Variants in CNOT4 observed in about 807,000 individuals in gnomAD.
The protein encoded by CNOT4 is CCR4-NOT transcription complex subunit 4.
Under a neutral mutation model 73.8 loss-of-function variants are expected in CNOT4, and 8 were observed. The observed-to-expected ratio is 0.11, with a 90% CI of 0.06 to 0.20. The LOEUF (loss-of-function observed/expected upper bound fraction) is 0.20. Ranked by LOEUF, CNOT4 falls within the 10% of genes least tolerant of loss-of-function variation. CNOT4 has a pLI of 1.00. For missense variants in CNOT4, 564 were observed against 883.4 expected (o/e 0.64, Z 4.58); for synonymous variants, 293 against 321.1 (o/e 0.91, Z 0.94).
intron 1 of CNOT4, among the ~76,000 whole-genome samples, chr7:135,484,457 G>A (rs185330728): frequency 3.4e-4 from 52 of 152,110 alleles, no homozygotes; most frequent in African/African-American, 1.2e-3. Context: ...AAGGTTATAA[G>A]ATGCAAGGTC....
At chr7:135,496,153 C>T (rs760496635) in intron 1 of CNOT4, among the ~76,000 whole-genome samples, 15 of 151,780 alleles carry the variant, frequency 9.9e-5, no homozygotes, top group African/African-American at 2.4e-4. Context: ...AGTGCAGTGG[C>T]GCAATCTCCA....
Position 135,363,446 on chromosome 7 carries a change from C to A in CNOT4, c.1841-260G>T, listed in dbSNP as rs573784672. Among the ~76,000 whole-genome samples, 1 of 152,344 alleles carries A rather than the reference C, an allele frequency of 6.6e-6. No homozygotes were observed. The highest frequency in any genetic ancestry group is 2.4e-5 in the African/African-American group (1 of 41,586). Reference sequence around the variant, plus strand: ...AGCTGCAAAACACCATTCCCCAGAACTGCCTGATGGCATTTCCCAATTGTG... The same window carrying A: ...AGCTGCAAAACACCATTCCCCAGAAATGCCTGATGGCATTTCCCAATTGTG... On this transcript the variant is annotated intron_variant, in intron 11 of 11. Coordinates refer to ENST00000541284, the MANE Select transcript of CNOT4 (RefSeq NM_001190850.2). This position sits in a 1 kb window ranked among gnomAD's most constrained non-coding sequence, Gnocchi z 4.3.
At chr7:135,428,299 T>C (rs1798621548) in intron 2 of CNOT4, among the ~76,000 whole-genome samples, 1 of 152,064 alleles carries the variant, frequency 6.6e-6, no homozygotes, top group South Asian at 2.1e-4. Context: ...TTACAAATAA[T>C]TTTCTCAATG....
At chr7:135,489,211 A>C (rs932548582) in intron 1 of CNOT4, among the ~76,000 whole-genome samples, 2 of 152,126 alleles carry the variant, frequency 1.3e-5, no homozygotes, top group Middle Eastern at 6.8e-3. Context: ...TTTAGAAAAA[A>C]TAGGAAGAAA....
intron 10 of CNOT4, chr7:135,389,043 T>C (rs1796264129): frequency 3.0e-6 from 2 of 666,592 alleles, no homozygotes; most frequent in East Asian, 6.0e-5. Context: ...ACATGAATTT[T>C]AAAATATAAA....
intron 1 of CNOT4, among the ~76,000 whole-genome samples, chr7:135,448,540 A>G (rs1232255962): frequency 7.0e-6 from 1 of 142,706 alleles, no homozygotes; most frequent in African/African-American, 2.8e-5. Context: ...AAAGAAAAAA[A>G]AAGGGAGGGA....
intron 1 of CNOT4, among the ~76,000 whole-genome samples, chr7:135,492,280 T>C (rs1803160951): frequency 6.6e-6 from 1 of 152,198 alleles, no homozygotes; most frequent in Non-Finnish European, 1.5e-5. Flanking sequence ...ATCATATTTG[T>C]ATTTTTCTTC....
chr7:135,366,295 A>G, intron 10 of CNOT4, among the ~76,000 whole-genome samples: 1 of 152,254 alleles, frequency 6.6e-6, no homozygotes, highest in East Asian at 1.9e-4. Flanking sequence ...TTGCATTTAC[A>G]TAAATCTTAT....
intron 8 of CNOT4, among the ~76,000 whole-genome samples, chr7:135,396,626 A>G (rs1024052670): frequency 2.6e-5 from 4 of 152,168 alleles, no homozygotes; most frequent in Non-Finnish European, 1.5e-5. Flanking sequence ...TTGTTTCCAA[A>G]CACATCATTA....
rs189472780 is a variant in CNOT4 at position 135,476,556 on chromosome 7, A to T, written c.-93+33333T>A. Among the ~76,000 whole-genome samples, 10 of 152,370 alleles carry T rather than the reference A, an allele frequency of 6.6e-5. No individual in the cohort carries two copies. In the East Asian group the frequency reaches 1.9e-3, roughly 29 times the overall value. Reference sequence around the variant, plus strand: ...GCTGGGCATAGTGGTATGCACTTGTAGTCCTAGCTACGGGGTAGGCTAAAG... The same window carrying T: ...GCTGGGCATAGTGGTATGCACTTGTTGTCCTAGCTACGGGGTAGGCTAAAG... On this transcript the variant is annotated intron_variant, in intron 1 of 11. Transcript: ENST00000541284.
intron 1 of CNOT4, among the ~76,000 whole-genome samples, chr7:135,476,008 A>G (rs1298868951): frequency 6.6e-6 from 1 of 152,208 alleles, no homozygotes; most frequent in East Asian, 1.9e-4. Context: ...GTAATTTTTC[A>G]TATAAAATAC....
In CNOT4 at chr7:135,384,106, C is replaced by CT. The variant is rs373849329; in HGVS notation, c.1627+9811dup. Among the ~76,000 whole-genome samples the CT allele has an allele frequency of 9.0e-3, 1,341 of 148,974 alleles. 24 individuals are homozygous for CT. Among genetic ancestry groups the CT allele is most frequent in the African/African-American group, 0.031 (1,259 of 40,614 alleles). On this transcript the variant is annotated intron_variant, in intron 10 of 11. Coordinates refer to ENST00000541284, the MANE Select transcript of CNOT4 (RefSeq NM_001190850.2). ...TTTCTGGGCTTATTCTCACAAAAGA[C>CT]TTTTTTTTTTAATCTCCTTTAAAAG...
chr7:135,489,303 C>T (rs982621868), intron 1 of CNOT4, among the ~76,000 whole-genome samples: 2 of 149,572 alleles, frequency 1.3e-5, no homozygotes, highest in Non-Finnish European at 3.0e-5. Flanking sequence ...AGAAATTTTA[C>T]ACATTTTATA....
chr7:135,465,074 C>T lies in CNOT4; in HGVS notation c.-92-26651G>A, dbSNP rs182034701. 9.3e-4 allele frequency among the ~76,000 whole-genome samples: 142 copies of T among 152,238 alleles called. 1 individual carries two copies. The highest frequency in any genetic ancestry group is 3.3e-3 in the African/African-American group (136 of 41,548). ...TTATCACAGATAATTTGGAAGACAG[C>T]TGGGCTATTAAAGTAGATTTTTAAT... On this transcript the variant is annotated intron_variant, in intron 1 of 11. Transcript: ENST00000541284.
chr7:135,507,707 T>C (rs1804469957), intron 1 of CNOT4, among the ~76,000 whole-genome samples: 1 of 152,196 alleles, frequency 6.6e-6, no homozygotes, highest in Non-Finnish European at 1.5e-5. Context: ...CAAGTATGAC[T>C]GCCAAGAGTT....
At chr7:135,440,413 G>A (rs1185784333) in intron 1 of CNOT4, among the ~76,000 whole-genome samples, 5 of 151,528 alleles carry the variant, frequency 3.3e-5, no homozygotes, top group Non-Finnish European at 5.9e-5. Flanking sequence ...CAATGATCTA[G>A]CGCCTCTTTC....
chr7:135,428,100 G>A (rs977392538), intron 2 of CNOT4, among the ~76,000 whole-genome samples: 6 of 152,100 alleles, frequency 3.9e-5, no homozygotes, highest in Admixed American at 3.9e-4. Context: ...GTAGGTAGGG[G>A]AAAACCATCC....
intron 1 of CNOT4, among the ~76,000 whole-genome samples, chr7:135,493,977 G>C (rs1803282586): frequency 6.7e-6 from 1 of 149,172 alleles, no homozygotes; most frequent in African/African-American, 2.5e-5. Flanking sequence ...TATAAGTATT[G>C]TATCAAAAAA....
chr7:135,383,112 T>G (rs770679854), intron 10 of CNOT4, among the ~76,000 whole-genome samples: 2 of 152,218 alleles, frequency 1.3e-5, no homozygotes, highest in Non-Finnish European at 2.9e-5. Flanking sequence ...TTACTTTATC[T>G]CTACTGTTCA....
Sources: gnomAD v4.1 joint callset for allele counts (sites outside exome capture counted in the v4.1 genomes callset) on GRCh38, gnomAD v4.1.1 for gene constraint, Gnocchi (gnomAD v3.1) non-coding constraint, MANE v1.5 for transcripts, NCBI Gene and HGNC (gene_info 2026-07-23, HGNC 2026-07-21) for gene names.